USP34: variants seen among roughly 807,000 people sequenced by gnomAD.
USP34 encodes the protein ubiquitin specific peptidase 34, also known as ubiquitin carboxyl-terminal hydrolase 34.
A neutral mutation model predicts 460.3 loss-of-function variants in USP34; 70 were observed. That is an observed-to-expected ratio of 0.15 (90% CI 0.13 to 0.19). The LOEUF (loss-of-function observed/expected upper bound fraction) is 0.19. Ranked by LOEUF, USP34 falls within the 10% of genes least tolerant of loss-of-function variation. The probability of loss-of-function intolerance (pLI) is 1.00; values close to 1 mark genes in which losing one functional copy is unlikely to be tolerated. For missense variants in USP34, 3,985 were observed against 4,236.2 expected, an observed-to-expected ratio of 0.94 and a Z score of 1.65; for synonymous variants, 1,647 against 1,405.3, an observed-to-expected ratio of 1.17 and a Z score of -3.85.
intron 2 of USP34, among the ~76,000 whole-genome samples, chr2:61,407,640 G>A (rs529001593): frequency 2.8e-4 from 43 of 152,244 alleles, no homozygotes; most frequent in African/African-American, 9.4e-4. Flanking sequence ...CACTTCTAGT[G>A]AATAGAAAGT....
chr2:61,376,005 C>T (rs911510385), intron 8 of USP34, among the ~76,000 whole-genome samples: 3 of 151,876 alleles, frequency 2.0e-5, no homozygotes, highest in African/African-American at 7.3e-5. Context: ...TGAAATATCT[C>T]AAAATGGGTA....
At chr2:61,329,130 T>A (rs1215304134) in intron 20 of USP34, among the ~76,000 whole-genome samples, 3 of 151,986 alleles carry the variant, frequency 2.0e-5, no homozygotes, top group Non-Finnish European at 4.4e-5. Flanking sequence ...CAAGTGGTTC[T>A]CCTGCCTCAG....
At chr2:61,306,553 G>A (rs1369865795) in intron 27 of USP34, among the ~76,000 whole-genome samples, 1 of 152,134 alleles carries the variant, frequency 6.6e-6, no homozygotes, top group Admixed American at 6.6e-5. Flanking sequence ...GGCAATGCGG[G>A]CCCTTTTTTG....
chr2:61,412,827 C>G (rs1573015816), intron 2 of USP34, among the ~76,000 whole-genome samples: 1 of 147,992 alleles, frequency 6.8e-6, no homozygotes, highest in Middle Eastern at 3.5e-3. Context: ...AAGTCGAGGC[C>G]GCAGTGAGCC....
intron 70 of USP34, chr2:61,207,166 T>C (rs547052549): frequency 4.3e-6 from 1 of 234,778 alleles, no homozygotes; most frequent in South Asian, 8.4e-5. Context: ...CTAAGATTGT[T>C]AAGTCTTCAA....
chr2:61,461,439 G>A (rs1214760587), intron 1 of USP34, among the ~76,000 whole-genome samples: 12 of 148,384 alleles, frequency 8.1e-5, no homozygotes, highest in African/African-American at 2.5e-4. Context: ...CTGAAATACA[G>A]AAAAAAAAAC....
At position 61,278,254 on chromosome 2, in the gene USP34, C is replaced by T; in HGVS notation, c.5344G>A (p.Val1782Ile). ...AGTCCTGTAAGCCCATCATCTTCTA[C>T]ATTACCATCCTGATGATCAAGGATC... ...REILDHQDGN[V>I]EDDGLTGLLR... is the part of the protein sequence containing the mutation. The change falls in exon 41 of 80, where the codon GTA becomes ATA. Residue 1782 changes from valine (V) to isoleucine (I), a missense_variant. Transcript: ENST00000398571. 6.2e-7 allele frequency: 1 copy of T among 1,613,700 alleles called. No homozygotes were observed. Among genetic ancestry groups the T allele is most frequent in the Non-Finnish European group, 8.5e-7 (1 of 1,179,812 alleles).
At chr2:61,385,997 CAAAA>C (rs58518474) in intron 5 of USP34, among the ~76,000 whole-genome samples, 10 of 99,432 alleles carry the variant, frequency 1.0e-4, no homozygotes, top group African/African-American at 2.6e-4. Flanking sequence ...ACTCTGTCTC[CAAAA>C]AAAAAAAAAA....
At chr2:61,318,212 AAT>A (rs1690810950) in intron 22 of USP34, among the ~76,000 whole-genome samples, 1 of 151,928 alleles carries the variant, frequency 6.6e-6, no homozygotes, top group Non-Finnish European at 1.5e-5. Flanking sequence ...AAAAAATGAA[AAT>A]ATATATGTGA....
chr2:61,417,461 T>G (rs1694228514), intron 2 of USP34: 1 of 331,378 alleles, frequency 3.0e-6, no homozygotes, highest in Non-Finnish European at 5.9e-6. Context: ...AGATAATACT[T>G]GATCACACAG....
At chr2:61,408,042 G>A (rs543666478) in intron 2 of USP34, among the ~76,000 whole-genome samples, 1 of 152,230 alleles carries the variant, frequency 6.6e-6, no homozygotes, top group Non-Finnish European at 1.5e-5. Context: ...TTGAACCGGG[G>A]AAACAAAGAT....
At chr2:61,360,015 C>A (rs187369512) in intron 10 of USP34, among the ~76,000 whole-genome samples, 150 of 152,048 alleles carry the variant, frequency 9.9e-4, no homozygotes, top group African/African-American at 3.2e-3. Context: ...GAACTCCTGA[C>A]CTCACGATCC....
chr2:61,348,647 AAGGAG>A (rs1264600005), intron 14 of USP34, 104 bp downstream of exon 14: 4 of 1,457,786 alleles, frequency 2.7e-6, no homozygotes, highest in Non-Finnish European at 3.6e-6. Flanking sequence ...ATATTACGTA[AAGGAG>A]AGGACAAGCC....
At chr2:61,371,596 T>A (rs1229244197) in intron 8 of USP34, among the ~76,000 whole-genome samples, 6 of 150,384 alleles carry the variant, frequency 4.0e-5, no homozygotes, top group African/African-American at 1.5e-4. Context: ...AATAAAAAGT[T>A]AGAGTAAGCT....
intron 1 of USP34, among the ~76,000 whole-genome samples, chr2:61,422,456 A>G (rs1291236098): frequency 6.6e-6 from 1 of 152,168 alleles, no homozygotes; most frequent in Non-Finnish European, 1.5e-5. Flanking sequence ...CCAACCCAGA[A>G]CCAGAAAGGC....
In USP34 at chr2:61,309,212, T is replaced by C. The variant is rs142639621; in HGVS notation, c.3817+2328A>G. Among the ~76,000 whole-genome samples the C allele has an allele frequency of 5.7e-4, 87 of 152,310 alleles. No homozygotes were observed. In the East Asian group the frequency reaches 0.016, roughly 28 times the overall value. On this transcript the variant is annotated intron_variant, in intron 27 of 79. Coordinates refer to ENST00000398571, the MANE Select transcript of USP34 (RefSeq NM_014709.4). Reference sequence around the variant, plus strand: ...ACCCAGCTAATTTATCATTTGGGTATGAAAACATGAGATACATGTTTAATG... The same window carrying C: ...ACCCAGCTAATTTATCATTTGGGTACGAAAACATGAGATACATGTTTAATG...
At chr2:61,448,941 G>A (rs1380108073) in intron 1 of USP34, among the ~76,000 whole-genome samples, 1 of 152,184 alleles carries the variant, frequency 6.6e-6, no homozygotes, top group Admixed American at 6.6e-5. Flanking sequence ...GATCACCTGA[G>A]GTTGGGAGTT....
intron 75 of USP34, among the ~76,000 whole-genome samples, chr2:61,195,174 T>C (rs1424522615): frequency 6.6e-6 from 1 of 151,806 alleles, no homozygotes; most frequent in Non-Finnish European, 1.5e-5. Flanking sequence ...AAGCCAAGAT[T>C]ATGCAACTGC....
rs901890310 is a variant in USP34, at chr2:61,190,666, G to A, written c.9589-8C>T. ...GTTTTTTGACATAGCAGACTAAAGT[G>A]GGGAGAAGATGGTTGAGCACTTACG... On this transcript the variant is annotated splice_polypyrimidine_tract_variant and splice_region_variant and intron_variant, in intron 76 of 79. Transcript: ENST00000398571. The A allele has an allele frequency of 9.3e-6, 15 of 1,611,100 alleles. No homozygotes were observed. Among genetic ancestry groups the A allele is most frequent in the East Asian group, 2.2e-5 (1 of 44,862 alleles).
Sources: allele counts gnomAD v4.1 joint callset (sites outside exome capture counted in the v4.1 genomes callset), GRCh38; gene constraint gnomAD v4.1.1; transcripts MANE v1.5; gene names NCBI Gene and HGNC (gene_info 2026-07-23, HGNC 2026-07-21).